Variants in TIAM1 observed in about 807,000 individuals in gnomAD.
TIAM1 encodes TIAM Rac1 associated GEF 1, also known as rho guanine nucleotide exchange factor TIAM1.
In TIAM1, 65 loss-of-function variants were observed where a neutral mutation model predicts 163.5. The observed-to-expected ratio is 0.40, with a 90% confidence interval of 0.33 to 0.49. The LOEUF (loss-of-function observed/expected upper bound fraction) is 0.49. TIAM1 is among the 20% of genes least tolerant of loss of function. TIAM1 has a pLI of 0.77. For missense variants in TIAM1, 1,789 were observed against 2,044.7 expected (o/e 0.87, Z 2.41); for synonymous variants, 833 against 810.1 (o/e 1.03, Z -0.48).
At chr21:31,362,467 ATTAT>A (rs1449091553) in intron 2 of TIAM1, among the ~76,000 whole-genome samples, 2 of 148,274 alleles carry the variant, frequency 1.3e-5, no homozygotes, top group Non-Finnish European at 3.0e-5. Flanking sequence ...TATTATTATT[ATTAT>A]TATTATTATA....
chr21:31,170,833 C>T (rs1441094280), intron 15 of TIAM1, among the ~76,000 whole-genome samples: 15 of 151,614 alleles, frequency 9.9e-5, no homozygotes, highest in African/African-American at 3.2e-4. Flanking sequence ...GTCAGGAGTT[C>T]GAGACCAGCC....
chr21:31,510,070 G>C (rs1482190517), intron 1 of TIAM1, among the ~76,000 whole-genome samples: 1 of 152,240 alleles, frequency 6.6e-6, no homozygotes, highest in South Asian at 2.1e-4. Flanking sequence ...AAGATATGCT[G>C]AAGTCCTAAC....
chr21:31,231,781 CA>C (rs1488818335), intron 6 of TIAM1, among the ~76,000 whole-genome samples: 5 of 151,954 alleles, frequency 3.3e-5, no homozygotes, highest in African/African-American at 4.8e-5. Context: ...TTTGGGAGGC[CA>C]AGGTGGGCGA....
In TIAM1 at chr21:31,251,914, G is replaced by A. The variant is rs759242304; in HGVS notation, c.1239C>T (p.Ser413=). ...GGCCCGGAGAGCTCAGGGTGCCGCT[G>A]CTCTGCTCATCGCTGTGCGCCGAGC... ...EAGSAHSDEQ[S]SGTLSSPGQS... The change falls in exon 5 of 28, where the codon AGC becomes AGT. Residue 413 remains serine (S), a synonymous_variant. Coordinates refer to ENST00000541036, the MANE Select transcript of TIAM1 (RefSeq NM_001353694.2). 2 of 1,613,698 alleles carry A rather than the reference G, an allele frequency of 1.2e-6. No individual in the cohort carries two copies. Among genetic ancestry groups the A allele is most frequent in the South Asian group, 1.1e-5 (1 of 91,064 alleles).
chr21:31,328,051 G>A (rs940972410), intron 2 of TIAM1, among the ~76,000 whole-genome samples: 4 of 151,956 alleles, frequency 2.6e-5, no homozygotes, highest in African/African-American at 9.7e-5. Context: ...CCAGCCCTCT[G>A]CCCTCTGCCT....
At chr21:31,316,371 G>A (rs139803678) in intron 2 of TIAM1, among the ~76,000 whole-genome samples, 4 of 152,244 alleles carry the variant, frequency 2.6e-5, no homozygotes, top group East Asian at 3.9e-4. Context: ...GGTTTATACC[G>A]ATTGAGACAA....
intron 4 of TIAM1, among the ~76,000 whole-genome samples, chr21:31,256,109 G>A (rs1053024805): frequency 1.3e-5 from 2 of 152,182 alleles, no homozygotes; most frequent in African/African-American, 4.8e-5. Context: ...CAAATTCAAA[G>A]CCTGTTTTCA....
intron 1 of TIAM1, among the ~76,000 whole-genome samples, chr21:31,509,354 G>A (rs188728044): frequency 6.6e-6 from 1 of 152,258 alleles, no homozygotes; most frequent in Non-Finnish European, 1.5e-5. Flanking sequence ...CCCCGGCAGA[G>A]GTGCAAACCC....
chr21:31,408,301 GT>G (rs1436288960), intron 2 of TIAM1, among the ~76,000 whole-genome samples: 1 of 152,210 alleles, frequency 6.6e-6, no homozygotes, highest in African/African-American at 2.4e-5. Flanking sequence ...ATGAGAGTCT[GT>G]CAACTGAAAA....
intron 3 of TIAM1, among the ~76,000 whole-genome samples, chr21:31,274,473 C>A (rs1006490389): frequency 6.6e-6 from 1 of 152,172 alleles, no homozygotes; most frequent in Non-Finnish European, 1.5e-5. Context: ...AACTTCATCA[C>A]CTTGAGAACT....
At chr21:31,351,978 G>T (rs961939722) in intron 2 of TIAM1, among the ~76,000 whole-genome samples, 3 of 151,648 alleles carry the variant, frequency 2.0e-5, no homozygotes, top group Non-Finnish European at 4.4e-5. Context: ...TGAGGCAGGA[G>T]AATCGCTTGA....
intron 2 of TIAM1, among the ~76,000 whole-genome samples, chr21:31,371,264 C>G (rs2076591996): frequency 6.6e-6 from 1 of 152,230 alleles, no homozygotes; most frequent in African/African-American, 2.4e-5. Flanking sequence ...TGCCGACTCT[C>G]CTTATCATTC....
chr21:31,414,437 C>G (rs1409710888), intron 2 of TIAM1, among the ~76,000 whole-genome samples: 1 of 152,166 alleles, frequency 6.6e-6, no homozygotes, highest in Non-Finnish European at 1.5e-5. Flanking sequence ...GAATCAGCCA[C>G]CACTGGGAAA....
chr21:31,418,291 G>A (rs1003160827), intron 2 of TIAM1, among the ~76,000 whole-genome samples: 4 of 138,096 alleles, frequency 2.9e-5, no homozygotes, highest in African/African-American at 5.4e-5. Context: ...GAGGTGAGCC[G>A]AGATCACGCC....
At chr21:31,240,866 C>T (rs9985085) in intron 6 of TIAM1, among the ~76,000 whole-genome samples, 18 of 152,296 alleles carry the variant, frequency 1.2e-4, no homozygotes, top group African/African-American at 1.9e-4. Flanking sequence ...GTCACTGATA[C>T]GGTTTGGCTG....
intron 2 of TIAM1, among the ~76,000 whole-genome samples, chr21:31,441,885 CA>C (rs35501898): frequency 0.047 from 5,984 of 128,598 alleles, 467 homozygotes; most frequent in African/African-American, 0.16. Context: ...CCCATGTTTA[CA>C]AAAAAAAAAA....
chr21:31,405,057 G>A (rs79351075), intron 2 of TIAM1, among the ~76,000 whole-genome samples: 3,685 of 150,314 alleles, frequency 0.025, 165 homozygotes, highest in African/African-American at 0.086. Flanking sequence ...ACCTGGGCGA[G>A]AGAGTGAGAC....
At chr21:31,265,201 CTTTTTTT>C (rs781091105) in intron 4 of TIAM1, among the ~76,000 whole-genome samples, 8 of 109,984 alleles carry the variant, frequency 7.3e-5, no homozygotes, top group East Asian at 3.1e-4. Flanking sequence ...CTTTCAAAAT[CTTTTTTT>C]TTTTTTTTTT....
chr21:31,515,984 T>C (rs1245038517), intron 1 of TIAM1, among the ~76,000 whole-genome samples: 4 of 151,538 alleles, frequency 2.6e-5, no homozygotes, highest in Non-Finnish European at 5.9e-5. Context: ...GGTGTGCACC[T>C]GTAATCCCAG....
Sources: gnomAD v4.1 joint callset for allele counts (sites outside exome capture counted in the v4.1 genomes callset) on GRCh38, gnomAD v4.1.1 for gene constraint, MANE v1.5 for transcripts, NCBI Gene and HGNC (gene_info 2026-07-23, HGNC 2026-07-21) for gene names.